PIP5K1A: variants seen among roughly 807,000 people sequenced by gnomAD.
PIP5K1A encodes phosphatidylinositol 4-phosphate 5-kinase type-1 alpha.
Under a neutral mutation model 72.9 loss-of-function variants are expected in PIP5K1A, and 46 were observed. The observed-to-expected ratio is 0.63, with a 90% CI of 0.50 to 0.81. The LOEUF is 0.81. PIP5K1A is among the 30% of genes least tolerant of loss of function. The pLI is 0.00. For missense variants in PIP5K1A, 458 were observed against 706.1 expected, an observed-to-expected ratio of 0.65 and a Z score of 3.98; for synonymous variants, 228 against 255.1, an observed-to-expected ratio of 0.89 and a Z score of 1.01.
chr1:151,232,215 G>T (rs1690188665), intron 5 of PIP5K1A, 33 bp from the exon 6 acceptor site: 1 of 1,410,772 alleles, frequency 7.1e-7, no homozygotes, highest in African/African-American at 1.4e-5. Flanking sequence ...ATAGGGACTG[G>T]CAAGTTATGG....
rs1396623013 is a variant in PIP5K1A at position 151,248,220 on chromosome 1, T to C, written c.*355T>C. 2 of 347,208 alleles carry C rather than the reference T, an allele frequency of 5.8e-6. No individual in the cohort carries two copies. Among genetic ancestry groups the C allele is most frequent in the Non-Finnish European group, 1.1e-5 (2 of 186,086 alleles). 21.5% of individuals were successfully genotyped at this position (347,208 alleles called of 1,614,324 possible). On this transcript the variant is annotated 3_prime_UTR_variant, in exon 16 of 16. Transcript: ENST00000368888. ...GGATTGCTGGACTTGGCAGCTTTCT[T>C]TCCCCTCGTCTTTGACTAGGAACCG...
intron 9 of PIP5K1A, 62 bp downstream of exon 9, chr1:151,236,825 T>TTC: frequency 4.0e-6 from 4 of 998,942 alleles, no homozygotes; most frequent in Admixed American, 2.9e-5. Context: ...TCTTTTCTTT[T>TTC]TTTTTTTTTT....
In PIP5K1A at chr1:151,227,320, G is replaced by A. The variant is rs370166597; in HGVS notation, c.157G>A (p.Val53Met). Residue 53 changes from valine to methionine, a missense_variant and splice_region_variant, in exon 4 of 16, where the codon GTG (valine) becomes ATG (methionine). Physicochemically the swap from Val to Met is conservative, Grantham distance 21. Around this residue, in one of 3 missense-constraint regions of PIP5K1A, gnomAD observed 81 missense variants for 88.0 expected, o/e 0.92. Transcript: ENST00000368888. ...EARQDSYISL[V>M]PYASGMPIKK... ...ATTATAATCTTGACTCTTCTTCTAGGTGCCTTATGCCTCTGGCATGCCCAT... is the reference window on the plus strand; with the variant it reads ...ATTATAATCTTGACTCTTCTTCTAGATGCCTTATGCCTCTGGCATGCCCAT... 4 of 1,600,878 alleles carry A rather than the reference G, an allele frequency of 2.5e-6. No homozygotes were observed. In the African/African-American group the frequency reaches 5.4e-5, roughly 21 times the overall value.
intron 1 of PIP5K1A, among the ~76,000 whole-genome samples, chr1:151,210,191 C>A (rs1424312505): frequency 6.7e-6 from 1 of 149,598 alleles, no homozygotes; most frequent in Non-Finnish European, 1.5e-5. Context: ...CCCTCCCCGG[C>A]CCCCCCACTT....
chr1:151,240,620 C>A (rs1190143619), intron 12 of PIP5K1A, among the ~76,000 whole-genome samples: 3 of 152,090 alleles, frequency 2.0e-5, no homozygotes, highest in African/African-American at 7.2e-5. Context: ...CTAGGCATGC[C>A]AGTCTTAAGG....
At chr1:151,224,941 T>A (rs1179705464) in intron 3 of PIP5K1A, among the ~76,000 whole-genome samples, 1 of 152,150 alleles carries the variant, frequency 6.6e-6, no homozygotes, top group Non-Finnish European at 1.5e-5. Context: ...TCAAACTTTC[T>A]CTCAGAACAT....
chr1:151,239,883 G>C, intron 11 of PIP5K1A, 72 bp from the exon 12 acceptor site: 1 of 1,057,702 alleles, frequency 9.5e-7, no homozygotes. Flanking sequence ...TCAGTCTGGG[G>C]GAAGATGGCC....
intron 1 of PIP5K1A, among the ~76,000 whole-genome samples, chr1:151,199,822 C>T (rs946471353): frequency 6.6e-6 from 1 of 152,012 alleles, no homozygotes; most frequent in Non-Finnish European, 1.5e-5. Flanking sequence ...TGGACGCTTT[C>T]GATTTCTGGA....
intron 15 of PIP5K1A, 99 bp from the exon 16 acceptor site, chr1:151,247,764 T>C: frequency 9.8e-7 from 1 of 1,019,238 alleles, no homozygotes; most frequent in Non-Finnish European, 1.5e-6. Context: ...TACCTCATAC[T>C]TGGAGGCTGA....
At chr1:151,208,631 T>G (rs1300615626) in intron 1 of PIP5K1A, among the ~76,000 whole-genome samples, 2 of 151,372 alleles carry the variant, frequency 1.3e-5, no homozygotes, top group Admixed American at 6.6e-5. Flanking sequence ...AGTGCTGGGA[T>G]TACAAGTGTG....
chr1:151,203,276 C>A (rs982224958), intron 1 of PIP5K1A, among the ~76,000 whole-genome samples: 1 of 152,092 alleles, frequency 6.6e-6, no homozygotes, highest in Non-Finnish European at 1.5e-5. Flanking sequence ...CACCTATATT[C>A]TCAGCACTTT....
intron 1 of PIP5K1A, among the ~76,000 whole-genome samples, chr1:151,217,418 AC>A (rs1316518743): frequency 2.0e-5 from 3 of 152,186 alleles, no homozygotes; most frequent in Non-Finnish European, 4.4e-5. Flanking sequence ...AATGTTTGTT[AC>A]TGTCTGAACC....
chr1:151,210,956 C>A (rs1366487800), intron 1 of PIP5K1A, among the ~76,000 whole-genome samples: 1 of 152,128 alleles, frequency 6.6e-6, no homozygotes, highest in African/African-American at 2.4e-5. Context: ...TTCCCTATGA[C>A]CTGTTTGGGC....
In PIP5K1A at chr1:151,234,423, A is replaced by G. The variant is rs1314998906; in HGVS notation, c.866A>G (p.Asp289Gly). 6.2e-7 allele frequency: 1 copy of G among 1,613,844 alleles called. No individual in the cohort carries two copies. The highest frequency in any genetic ancestry group is 1.3e-5 in the African/African-American group (1 of 74,928). The part of the protein sequence containing the change: ...PTFKDLDFLQ[D>G]IPDGLFLDAD... The stretch of plus-strand genomic sequence containing the variant: ...TTTAAAGACCTAGACTTCTTACAAG[A>G]CATCCCTGATGGTCTTTTTTTGGAT... The change falls in exon 8 of 16, where the codon GAC becomes GGC. Residue 289 changes from aspartate (D) to glycine (G), a missense_variant. By Grantham distance (94) the Asp-to-Gly change is moderately conservative (BLOSUM62 -1). Coordinates refer to ENST00000368888, the MANE Select transcript of PIP5K1A (RefSeq NM_001135638.2).
chr1:151,243,304 T>C (rs1482878665), intron 14 of PIP5K1A, among the ~76,000 whole-genome samples: 1 of 152,196 alleles, frequency 6.6e-6, no homozygotes, highest in Non-Finnish European at 1.5e-5. Flanking sequence ...TTACCTAAAT[T>C]AGGTCCGGTT....
At chr1:151,220,570 C>T (rs959398538) in intron 1 of PIP5K1A, among the ~76,000 whole-genome samples, 1 of 151,916 alleles carries the variant, frequency 6.6e-6, no homozygotes, top group African/African-American at 2.4e-5. Context: ...CGGGTTCAAC[C>T]GATTCTCCTG....
intron 1 of PIP5K1A, among the ~76,000 whole-genome samples, chr1:151,215,336 C>T (rs1333077319): frequency 7.2e-6 from 1 of 138,784 alleles, no homozygotes; most frequent in Non-Finnish European, 1.7e-5. Flanking sequence ...CCGCACCCGG[C>T]CTTTTTTTTT....
At chr1:151,197,713 G>C (rs971110920), upstream of PIP5K1A, among the ~76,000 whole-genome samples, 4 of 152,194 alleles carry the variant, frequency 2.6e-5, no homozygotes, top group African/African-American at 9.7e-5. Context: ...CCCCTACTAT[G>C]TACGAAGTCA....
At chr1:151,195,884 ATTTTTTTTTTTTTTT>A (rs1157195462), upstream of PIP5K1A, among the ~76,000 whole-genome samples, 2 of 62,294 alleles carry the variant, frequency 3.2e-5, no homozygotes, top group Admixed American at 5.9e-4. Context: ...ACACCAGCCG[ATTTTTTTTTTTTTTT>A]TTTTTTTTTT....
Sources: allele counts gnomAD v4.1 joint callset (sites outside exome capture counted in the v4.1 genomes callset), GRCh38; gene constraint gnomAD v4.1.1; regional missense constraint gnomAD v4.1.1; transcripts MANE v1.5; gene names NCBI Gene and HGNC (gene_info 2026-07-23, HGNC 2026-07-21).